SNTG1: variants seen among roughly 807,000 people sequenced by gnomAD.
The protein encoded by SNTG1 is gamma-1-syntrophin.
In SNTG1, 39 loss-of-function variants were observed where a neutral mutation model predicts 74.7. The observed-to-expected ratio is 0.52, with a 90% CI of 0.40 to 0.68. The LOEUF is 0.68. Ranked by LOEUF, SNTG1 falls within the 30% of genes least tolerant of loss-of-function variation. The pLI, the probability that SNTG1 is intolerant of heterozygous loss-of-function variation, is 0.00. For missense variants in SNTG1, 685 were observed against 609.5 expected (o/e 1.12, Z -1.30); for synonymous variants, 254 against 217.1 (o/e 1.17, Z -1.49).
At chr8:49,925,199 C>T (rs899191085) in intron 1 of SNTG1, among the ~76,000 whole-genome samples, 8 of 152,030 alleles carry the variant, frequency 5.3e-5, no homozygotes, top group Non-Finnish European at 1.5e-5. Context: ...TGCAGCTATG[C>T]ACAGTTATGT....
At chr8:50,258,863 G>A (rs1038158540) in intron 2 of SNTG1, among the ~76,000 whole-genome samples, 4 of 151,920 alleles carry the variant, frequency 2.6e-5, no homozygotes, top group Non-Finnish European at 5.9e-5. Flanking sequence ...AGAGGACAAA[G>A]AAAAAGGAGC....
At chr8:50,378,872 G>A (rs946797774) in intron 2 of SNTG1, among the ~76,000 whole-genome samples, 1 of 152,090 alleles carries the variant, frequency 6.6e-6, no homozygotes, top group African/African-American at 2.4e-5. Flanking sequence ...CATGTGATTA[G>A]TCCATGGGAG....
intron 1 of SNTG1, among the ~76,000 whole-genome samples, chr8:49,938,603 T>TCTTTTCTTTTCTTTC (rs1808347084): frequency 1.3e-5 from 1 of 74,754 alleles, no homozygotes; most frequent in African/African-American, 4.5e-5. Context: ...TTTTCTTTTC[T>TCTTTTCTTTTCTTTC]TTTCTTTCTT....
intron 3 of SNTG1, among the ~76,000 whole-genome samples, chr8:50,399,164 G>A (rs73676107): frequency 2.9e-4 from 44 of 151,966 alleles, no homozygotes; most frequent in African/African-American, 9.9e-4. Flanking sequence ...TTAGCACTTC[G>A]TGTACTGTTT....
chr8:50,095,502 A>G (rs1041513111), intron 1 of SNTG1, among the ~76,000 whole-genome samples: 1 of 152,178 alleles, frequency 6.6e-6, no homozygotes, highest in Non-Finnish European at 1.5e-5. Flanking sequence ...TGCCAGTTAT[A>G]CAGTGGATTT....
intron 9 of SNTG1, among the ~76,000 whole-genome samples, chr8:50,523,930 T>C (rs1459139820): frequency 2.0e-5 from 3 of 152,136 alleles, no homozygotes; most frequent in Non-Finnish European, 4.4e-5. Context: ...ACTTAACCAC[T>C]TTATCTCTGT....
chr8:50,659,719 C>G (rs1187469129), intron 15 of SNTG1, among the ~76,000 whole-genome samples: 2 of 152,054 alleles, frequency 1.3e-5, no homozygotes, highest in Non-Finnish European at 2.9e-5. Context: ...ACCTGAAATA[C>G]TTGAGTGTAT....
intron 1 of SNTG1, among the ~76,000 whole-genome samples, chr8:49,937,186 G>T (rs1347573299): frequency 6.6e-6 from 1 of 152,016 alleles, no homozygotes; most frequent in East Asian, 1.9e-4. Flanking sequence ...ACCCAGTTAG[G>T]CTGATAAAAG....
At chr8:50,777,793 C>G (rs1477988405) in intron 18 of SNTG1, among the ~76,000 whole-genome samples, 1 of 151,818 alleles carries the variant, frequency 6.6e-6, no homozygotes. Context: ...TGCTGCTGTG[C>G]TGCACCCATT....
At chr8:50,625,600 G>T (rs2094951205) in intron 13 of SNTG1, among the ~76,000 whole-genome samples, 1 of 152,114 alleles carries the variant, frequency 6.6e-6, no homozygotes, top group African/African-American at 2.4e-5. Context: ...CTGAATCATA[G>T]ATTATCATAG....
At chr8:50,045,373 G>C (rs1818993944) in intron 1 of SNTG1, among the ~76,000 whole-genome samples, 1 of 152,152 alleles carries the variant, frequency 6.6e-6, no homozygotes, top group African/African-American at 2.4e-5. Flanking sequence ...CAGAGTAGCA[G>C]CAAGAGCCAG....
chr8:50,452,282 T>C (rs1219449696), intron 8 of SNTG1, among the ~76,000 whole-genome samples: 1 of 152,196 alleles, frequency 6.6e-6, no homozygotes, highest in Non-Finnish European at 1.5e-5. Flanking sequence ...CCTACAAATA[T>C]GTGCAAAAAA....
chr8:50,131,059 A>G (rs776527231), intron 1 of SNTG1, among the ~76,000 whole-genome samples: 21 of 147,494 alleles, frequency 1.4e-4, no homozygotes, highest in Admixed American at 2.7e-4. Context: ...TTTAATTTCA[A>G]AAAGAGAGCA....
chr8:50,009,379 T>G (rs1585874787), intron 1 of SNTG1, among the ~76,000 whole-genome samples: 2 of 152,200 alleles, frequency 1.3e-5, no homozygotes, highest in Admixed American at 6.5e-5. Context: ...TAGACTGGAC[T>G]ACCTTTTCTC....
intron 2 of SNTG1, among the ~76,000 whole-genome samples, chr8:50,267,550 A>G (rs913280354): frequency 2.0e-5 from 3 of 152,200 alleles, no homozygotes; most frequent in Admixed American, 1.3e-4. Flanking sequence ...ATGCTCATCT[A>G]TTACAGATGA....
intron 9 of SNTG1, among the ~76,000 whole-genome samples, chr8:50,523,149 A>T (rs761420909): frequency 7.9e-5 from 12 of 152,130 alleles, no homozygotes; most frequent in African/African-American, 2.7e-4. Flanking sequence ...GCCTTTATAG[A>T]ATTGAAGAGA....
intron 17 of SNTG1, among the ~76,000 whole-genome samples, chr8:50,738,338 G>C (rs555810689): frequency 1.4e-4 from 22 of 151,954 alleles, no homozygotes; most frequent in African/African-American, 5.3e-4. Context: ...AATACCTAGG[G>C]ATACAACTTA....
intron 12 of SNTG1, among the ~76,000 whole-genome samples, chr8:50,572,730 G>A (rs2130772160): frequency 6.6e-6 from 1 of 152,202 alleles, no homozygotes; most frequent in African/African-American, 2.4e-5. Context: ...ACAGTTAGAG[G>A]TGATATATGG....
At chr8:50,220,395 G>T (rs751842797) in intron 2 of SNTG1, among the ~76,000 whole-genome samples, 1 of 152,108 alleles carries the variant, frequency 6.6e-6, no homozygotes, top group Non-Finnish European at 1.5e-5. Context: ...CAGGGATTAT[G>T]AGAACAAAGA....
Sources: allele counts gnomAD v4.1 joint callset (sites outside exome capture counted in the v4.1 genomes callset), GRCh38; gene constraint gnomAD v4.1.1; transcripts MANE v1.5; gene names NCBI Gene and HGNC (gene_info 2026-07-23, HGNC 2026-07-21).